Variants in RABGAP1L observed in about 807,000 individuals in gnomAD.
RABGAP1L encodes rab GTPase-activating protein 1-like.
Under a neutral mutation model 137.7 loss-of-function variants are expected in RABGAP1L, and 63 were observed. The ratio of observed to expected loss-of-function variants is 0.46; its 90% CI spans 0.37 to 0.56. The LOEUF is 0.56. Among genes scored for constraint, RABGAP1L ranks in the 20% least tolerant of loss-of-function variants. RABGAP1L has a pLI of 0.00. For synonymous variants in RABGAP1L, 431 were observed against 433.7 expected (o/e 0.99, Z 0.08); for missense variants, 1,095 against 1,244.0 (o/e 0.88, Z 1.80).
chr1:174,310,830 C>T (rs139462306), intron 11 of RABGAP1L, among the ~76,000 whole-genome samples: 28 of 152,200 alleles, frequency 1.8e-4, no homozygotes, highest in African/African-American at 6.5e-4. Context: ...TTCTCTCATA[C>T]TCTTTGAGAG....
At position 174,683,561 on chromosome 1, in the gene RABGAP1L, G is replaced by T; in HGVS notation, c.1864G>T (p.Gly622Trp). The part of the protein sequence containing the change: ...VYDEDIGYCQ[G>W]QSFLAAVLLL... Reference sequence around the variant, plus strand: ...TGATGAAGACATTGGGTACTGTCAAGGGCAGTCTTTTCTTGCTGCTGTATT... The same window carrying T: ...TGATGAAGACATTGGGTACTGTCAATGGCAGTCTTTTCTTGCTGCTGTATT... The change falls in exon 15 of 26, where the codon GGG becomes TGG. Residue 622 changes from glycine to tryptophan, a missense_variant. By Grantham distance (184) the Gly-to-Trp change is radical (BLOSUM62 -2). Coordinates refer to ENST00000681986, the MANE Select transcript of RABGAP1L (RefSeq NM_001366446.1). 1 of 1,609,814 alleles carries T rather than the reference G, an allele frequency of 6.2e-7. No homozygotes were observed. The highest frequency in any genetic ancestry group is 1.1e-5 in the South Asian group (1 of 90,986).
At chr1:174,854,920 T>C (rs1266310025) in intron 19 of RABGAP1L, among the ~76,000 whole-genome samples, 1 of 151,592 alleles carries the variant, frequency 6.6e-6, no homozygotes, top group African/African-American at 2.4e-5. Context: ...GTATTTTTAG[T>C]AGAGACAGGG....
chr1:174,881,557 T>C (rs979210793), intron 19 of RABGAP1L, among the ~76,000 whole-genome samples: 23 of 141,798 alleles, frequency 1.6e-4, no homozygotes, highest in African/African-American at 6.1e-4. Flanking sequence ...TGGAGTACAG[T>C]GGCACGATTT....
At chr1:174,961,853 A>T (rs1669134795) in intron 20 of RABGAP1L, among the ~76,000 whole-genome samples, 1 of 65,460 alleles carries the variant, frequency 1.5e-5, no homozygotes, top group African/African-American at 2.3e-4. Flanking sequence ...CTCAAAAAAA[A>T]AAAAAAAAAA....
chr1:174,620,809 A>G lies in RABGAP1L; in HGVS notation c.1711-16566A>G, dbSNP rs573905598. Among the ~76,000 whole-genome samples the G allele has an allele frequency of 4.2e-5, 6 of 142,276 alleles. No individual in the cohort carries two copies. The East Asian group carries it at 1.2e-3, about 27-fold the overall frequency. 93.3% of individuals were successfully genotyped at this position (142,276 alleles called of 152,430 possible). On this transcript the variant is annotated intron_variant, in intron 13 of 25. Coordinates refer to ENST00000681986, the MANE Select transcript of RABGAP1L (RefSeq NM_001366446.1). The stretch of plus-strand genomic sequence containing the variant: ...CAGAGCAGAAATGAAGGAAATAGAG[A>G]CACAAAAAACCCTTCAAAAAATCAA...
intron 13 of RABGAP1L, among the ~76,000 whole-genome samples, chr1:174,596,014 G>T (rs1394967037): frequency 1.8e-4 from 19 of 105,106 alleles, no homozygotes; most frequent in Middle Eastern, 4.0e-3. Context: ...GAGATTCCGT[G>T]GGCGTAGGAC....
At chr1:174,757,054 G>T in intron 18 of RABGAP1L, 1 of 545,002 alleles carries the variant, frequency 1.8e-6, no homozygotes, top group Non-Finnish European at 3.6e-6. Context: ...TCCCGGCCAG[G>T]CTCCCTACTG....
chr1:174,785,622 C>T (rs1227255426), intron 18 of RABGAP1L, among the ~76,000 whole-genome samples: 1 of 152,184 alleles, frequency 6.6e-6, no homozygotes, highest in Non-Finnish European at 1.5e-5. Flanking sequence ...GCAAAGCTGA[C>T]TCTGGTATTT....
At chr1:174,468,930 A>T (rs931851359) in intron 13 of RABGAP1L, among the ~76,000 whole-genome samples, 1 of 152,170 alleles carries the variant, frequency 6.6e-6, no homozygotes, top group Non-Finnish European at 1.5e-5. Flanking sequence ...TTTGCTTTTG[A>T]GTAGATTACA....
chr1:174,894,656 C>G (rs950131237), intron 19 of RABGAP1L, among the ~76,000 whole-genome samples: 2 of 152,134 alleles, frequency 1.3e-5, no homozygotes, highest in Non-Finnish European at 2.9e-5. Context: ...GATTATGGAT[C>G]GAAATGGAGC....
chr1:174,448,602 T>C lies in RABGAP1L; in HGVS notation c.1710+54457T>C. Reference sequence around the variant, plus strand: ...TGTCGCTTGAGAATTTGCATTATTTTGATCTGGATCTACTCCTGCCTAATT... The same window carrying C: ...TGTCGCTTGAGAATTTGCATTATTTCGATCTGGATCTACTCCTGCCTAATT... On this transcript the variant is annotated intron_variant, in intron 13 of 25. Coordinates refer to ENST00000681986, the MANE Select transcript of RABGAP1L (RefSeq NM_001366446.1). This position sits in a 1 kb window ranked among gnomAD's most constrained non-coding sequence, Gnocchi z 4.2. 6.2e-7 allele frequency: 1 copy of C among 1,614,096 alleles called. No homozygotes were observed.
chr1:174,491,538 C>T (rs1184626710), intron 13 of RABGAP1L, among the ~76,000 whole-genome samples: 6 of 151,996 alleles, frequency 3.9e-5, no homozygotes, highest in African/African-American at 4.8e-5. Context: ...CTTTTGCAGC[C>T]TGGAGCTGGA....
At chr1:174,779,053 C>T (rs928873066) in intron 18 of RABGAP1L, among the ~76,000 whole-genome samples, 9 of 152,176 alleles carry the variant, frequency 5.9e-5, no homozygotes, top group African/African-American at 1.2e-4. Context: ...TTGTGTACAG[C>T]ACAACTTCAG....
intron 13 of RABGAP1L, among the ~76,000 whole-genome samples, chr1:174,543,896 T>G (rs1449118759): frequency 6.6e-6 from 1 of 152,250 alleles, no homozygotes; most frequent in Non-Finnish European, 1.5e-5. Flanking sequence ...TGAAAATTCT[T>G]TTCTTTAAGA....
chr1:174,768,454 G>T (rs1040082232), intron 18 of RABGAP1L, among the ~76,000 whole-genome samples: 2 of 152,210 alleles, frequency 1.3e-5, no homozygotes, highest in African/African-American at 4.8e-5. Context: ...CAAACTGGTG[G>T]AGTTTAACAG....
At chr1:174,193,696 G>C (rs1302271775) in intron 1 of RABGAP1L, among the ~76,000 whole-genome samples, 2 of 152,096 alleles carry the variant, frequency 1.3e-5, no homozygotes, top group Admixed American at 1.3e-4. Flanking sequence ...TAGAGGTTTT[G>C]ATTTTCTTGT....
At chr1:174,185,885 T>C (rs1666760216) in intron 1 of RABGAP1L, among the ~76,000 whole-genome samples, 1 of 152,240 alleles carries the variant, frequency 6.6e-6, no homozygotes, top group African/African-American at 2.4e-5. Flanking sequence ...GGCTCACACC[T>C]GTAATCCCAG....
intron 7 of RABGAP1L, among the ~76,000 whole-genome samples, chr1:174,262,295 T>A (rs1182737904): frequency 1.3e-5 from 2 of 152,228 alleles, no homozygotes; most frequent in Non-Finnish European, 2.9e-5. Flanking sequence ...AGAGGCGGCA[T>A]CATGGTTTAA....
At chr1:174,615,546 G>A (rs1224233744) in intron 13 of RABGAP1L, among the ~76,000 whole-genome samples, 1 of 152,212 alleles carries the variant, frequency 6.6e-6, no homozygotes, top group Non-Finnish European at 1.5e-5. Context: ...CAATTGAGGA[G>A]GCATTCTGTC....
Sources: gnomAD v4.1 joint callset for allele counts (sites outside exome capture counted in the v4.1 genomes callset) on GRCh38, gnomAD v4.1.1 for gene constraint, Gnocchi (gnomAD v3.1) non-coding constraint, MANE v1.5 for transcripts, NCBI Gene and HGNC (gene_info 2026-07-23, HGNC 2026-07-21) for gene names.